The following GRIA2 variants were observed in gnomAD, a reference collection of about 807,000 sequenced individuals.
GRIA2 encodes the protein glutamate ionotropic receptor AMPA type subunit 2.
Under a neutral mutation model 97.3 loss-of-function variants are expected in GRIA2, and 14 were observed. That is an observed-to-expected ratio of 0.14 (90% CI 0.10 to 0.23). The LOEUF (loss-of-function observed/expected upper bound fraction) is 0.23. GRIA2 is among the 10% of genes least tolerant of loss of function. The pLI, the probability that GRIA2 is intolerant of heterozygous loss-of-function variation, is 1.00. For synonymous variants in GRIA2, 412 were observed against 387.8 expected, an observed-to-expected ratio of 1.06 and a Z score of -0.73; for missense variants, 558 against 1,069.8, an observed-to-expected ratio of 0.52 and a Z score of 6.67.
rs1451843650 is a variant in GRIA2, at chr4:157,364,572, C to T, written c.*1141C>T. 1.3e-5 allele frequency: 2 copies of T among 152,012 alleles called. No individual in the cohort carries two copies. The highest frequency in any genetic ancestry group is 2.1e-4 in the South Asian group (1 of 4,816). The allele number at this position is 152,012 out of a possible 1,614,324, so 9.4% of individuals were successfully genotyped here. A position where few individuals can be genotyped will look rare whatever the true frequency, so the allele number is the denominator to read the frequency against. ...GCTAATATTAACAAATACCAGAATA[C>T]GTGAAGTTCCATTTTTAAAGTGTTT... On this transcript the variant is annotated 3_prime_UTR_variant, in exon 16 of 16. Coordinates refer to ENST00000264426, the MANE Select transcript of GRIA2 (RefSeq NM_001083619.3).
intron 2 of GRIA2, among the ~76,000 whole-genome samples, chr4:157,290,791 A>G (rs994060589): frequency 6.6e-6 from 1 of 151,706 alleles, no homozygotes; most frequent in Non-Finnish European, 1.5e-5. Context: ...TTATGATATC[A>G]TCTCTTAAGG....
intron 1 of GRIA2, chr4:157,221,376 C>G (rs114938139): frequency 3.6e-6 from 2 of 560,636 alleles, no homozygotes; most frequent in African/African-American, 3.8e-5. Context: ...TCTGCCTTAG[C>G]GACATTTTCC....
intron 3 of GRIA2, among the ~76,000 whole-genome samples, chr4:157,306,654 A>G (rs1212171244): frequency 4.6e-5 from 7 of 152,194 alleles, no homozygotes; most frequent in African/African-American, 1.7e-4. Context: ...GACTCTCATA[A>G]TACTGGCAAA....
intron 2 of GRIA2, among the ~76,000 whole-genome samples, chr4:157,232,898 T>C (rs72685597): frequency 0.074 from 11,253 of 152,278 alleles, 527 homozygotes; most frequent in Non-Finnish European, 0.1. Context: ...AGTTTCTTAG[T>C]CTACATCTCA....
At chr4:157,273,844 A>G (rs950565272) in intron 2 of GRIA2, among the ~76,000 whole-genome samples, 3 of 152,214 alleles carry the variant, frequency 2.0e-5, no homozygotes, top group East Asian at 3.9e-4. Flanking sequence ...TTAGTGTCAG[A>G]CATTAGACTA....
intron 12 of GRIA2, among the ~76,000 whole-genome samples, chr4:157,353,313 T>C (rs1736099052): frequency 2.0e-5 from 3 of 149,476 alleles, no homozygotes; most frequent in South Asian, 4.3e-4. Flanking sequence ...GATGGCGCCA[T>C]TGCACTCCAG....
At chr4:157,227,990 C>A (rs1438670662) in intron 2 of GRIA2, among the ~76,000 whole-genome samples, 1 of 152,046 alleles carries the variant, frequency 6.6e-6, no homozygotes, top group East Asian at 1.9e-4. Flanking sequence ...ATGTCTAACA[C>A]CTATTATTTT....
chr4:157,251,551 C>T (rs1056515944), intron 2 of GRIA2, among the ~76,000 whole-genome samples: 3 of 152,044 alleles, frequency 2.0e-5, no homozygotes, highest in Admixed American at 2.0e-4. Context: ...ACATTTTTCT[C>T]TTTATTAATT....
chr4:157,276,795 A>T (rs1307027141), intron 2 of GRIA2, among the ~76,000 whole-genome samples: 1 of 151,974 alleles, frequency 6.6e-6, no homozygotes, highest in East Asian at 1.9e-4. Flanking sequence ...ATACTATATT[A>T]AATGGAATTA....
At chr4:157,302,545 G>T (rs544640583) in intron 2 of GRIA2, among the ~76,000 whole-genome samples, 79 of 152,098 alleles carry the variant, frequency 5.2e-4, no homozygotes, top group African/African-American at 1.9e-3. Context: ...TATTCTATGT[G>T]TCAATCTTTC....
intron 13 of GRIA2, 65 bp from the exon 14 acceptor site, chr4:157,360,945 A>G: frequency 8.3e-7 from 1 of 1,199,500 alleles, no homozygotes; most frequent in Non-Finnish European, 1.2e-6. Flanking sequence ...ACAAATTAAA[A>G]CAAAACAAAC....
rs186355816 is a variant in GRIA2 at position 157,224,191 on chromosome 4, G to T, written c.229+2384G>T. On this transcript the variant is annotated intron_variant, in intron 2 of 15. Coordinates refer to ENST00000264426, the MANE Select transcript of GRIA2 (RefSeq NM_001083619.3). ...CAGGAAGTGAAGCTAAAATAAATAT[G>T]TTCACATTTCCAGAGACTAAAATTA... Among the ~76,000 whole-genome samples, 5 of 152,186 alleles carry T rather than the reference G, an allele frequency of 3.3e-5. No homozygotes were observed. The East Asian group carries it at 9.7e-4, about 29-fold the overall frequency.
chr4:157,315,531 GTTTTGTTTT>G (rs1560762155), intron 4 of GRIA2, among the ~76,000 whole-genome samples: 1 of 66,732 alleles, frequency 1.5e-5, no homozygotes, highest in African/African-American at 5.9e-5. Flanking sequence ...TTGTTTGTTT[GTTTTGTTTT>G]GTTTTGTTTT....
chr4:157,287,897 G>A (rs189508573), intron 2 of GRIA2, among the ~76,000 whole-genome samples: 188 of 151,578 alleles, frequency 1.2e-3, no homozygotes, highest in African/African-American at 4.3e-3. Context: ...TCTGTTTTCC[G>A]TGTATTATCT....
chr4:157,285,414 A>G lies in GRIA2; in HGVS notation c.230-18138A>G, dbSNP rs183003807. Among the ~76,000 whole-genome samples, 1,126 of 151,720 alleles carry G rather than the reference A, an allele frequency of 7.4e-3. 10 individuals are homozygous for G. The highest frequency in any genetic ancestry group is 0.012 in the Non-Finnish European group (783 of 67,694). On this transcript the variant is annotated intron_variant, in intron 2 of 15. Coordinates refer to ENST00000264426, the MANE Select transcript of GRIA2 (RefSeq NM_001083619.3). ...AAAAACTTTTAAAGTAGAGGAATTTATAAATTTTTTATGGTTTCTGCTCCC... is the reference window on the plus strand; with the variant it reads ...AAAAACTTTTAAAGTAGAGGAATTTGTAAATTTTTTATGGTTTCTGCTCCC...
chr4:157,337,103 G>A (rs995510210), intron 11 of GRIA2, among the ~76,000 whole-genome samples: 2 of 151,946 alleles, frequency 1.3e-5, no homozygotes, highest in African/African-American at 2.4e-5. Flanking sequence ...GGGAAAATGG[G>A]CAACATTATT....
intron 11 of GRIA2, among the ~76,000 whole-genome samples, chr4:157,340,537 C>T (rs1735501385): frequency 6.6e-6 from 1 of 151,794 alleles, no homozygotes; most frequent in Admixed American, 6.6e-5. Context: ...TTTATGTCTT[C>T]ACAAACTTTT....
rs200252120 is a variant in GRIA2, at chr4:157,227,939, GA to G, written c.229+6141del. ...TATCAAATCAGATTTTACTAGTTTG[GA>G]AAAAAAAAGGAATGTGATTCTTACA... is the stretch of plus-strand genomic sequence containing the variant. On this transcript the variant is annotated intron_variant, in intron 2 of 15. Transcript: ENST00000264426. 6.7e-5 allele frequency among the ~76,000 whole-genome samples: 10 copies of G among 150,036 alleles called. No individual in the cohort carries two copies. The South Asian group carries it at 1.1e-3, about 16-fold the overall frequency.
intron 2 of GRIA2, among the ~76,000 whole-genome samples, chr4:157,297,814 A>C (rs890729616): frequency 3.3e-5 from 5 of 152,072 alleles, no homozygotes; most frequent in Non-Finnish European, 5.9e-5. Context: ...CTCACACATG[A>C]GTTCATGAAA....
Sources: gnomAD v4.1 joint callset for allele counts (sites outside exome capture counted in the v4.1 genomes callset) on GRCh38, gnomAD v4.1.1 for gene constraint, MANE v1.5 for transcripts, NCBI Gene and HGNC (gene_info 2026-07-23, HGNC 2026-07-21) for gene names.